Variants in FAM107B observed in about 807,000 individuals in gnomAD.
FAM107B encodes the protein protein FAM107B.
A neutral mutation model predicts 31.5 loss-of-function variants in FAM107B; 21 were observed. The observed-to-expected ratio is 0.67, with a 90% CI of 0.47 to 0.96. The LOEUF is 0.96. FAM107B is among the 40% of genes least tolerant of loss of function. FAM107B has a pLI of 0.00. For synonymous variants in FAM107B, 157 were observed against 141.5 expected, an observed-to-expected ratio of 1.11 and a Z score of -0.78; for missense variants, 452 against 377.1, an observed-to-expected ratio of 1.20 and a Z score of -1.64.
chr10:14,638,670 A>T (rs2131428969), intron 2 of FAM107B, among the ~76,000 whole-genome samples: 1 of 152,266 alleles, frequency 6.6e-6, no homozygotes, highest in East Asian at 1.9e-4. Context: ...ACCTTCACTC[A>T]TCCCTTATCC....
chr10:14,645,937 C>T (rs1398164662), intron 2 of FAM107B, among the ~76,000 whole-genome samples: 3 of 152,084 alleles, frequency 2.0e-5, no homozygotes, highest in South Asian at 2.1e-4. Flanking sequence ...AAGAATTGGA[C>T]TAATAGTGTT....
At position 14,627,216 on chromosome 10, in the gene FAM107B, T is replaced by C. The variant is rs574086402; in HGVS notation, c.469+40418A>G. ...AGATTAAAAAGGAAAATTTCCTAAA[T>C]AGATGTTATTAATTCTTAAAGTATT... On this transcript the variant is annotated intron_variant, in intron 2 of 4. Coordinates refer to ENST00000181796, the MANE Select transcript of FAM107B (RefSeq NM_031453.4). Among the ~76,000 whole-genome samples, 6 of 152,344 alleles carry C rather than the reference T, an allele frequency of 3.9e-5. No individual in the cohort carries two copies. In the East Asian group the frequency reaches 1.2e-3, roughly 29 times the overall value.
chr10:14,631,727 T>C (rs1853358853), intron 2 of FAM107B, among the ~76,000 whole-genome samples: 2 of 152,244 alleles, frequency 1.3e-5, no homozygotes, highest in South Asian at 4.1e-4. Flanking sequence ...GATTCTGCCC[T>C]TTTGCTCCAC....
intron 1 of FAM107B, among the ~76,000 whole-genome samples, chr10:14,718,474 AGGAG>A (rs1313121492): frequency 7.4e-6 from 1 of 134,916 alleles, no homozygotes; most frequent in Non-Finnish European, 1.6e-5. Flanking sequence ...AAGGAAGAAA[AGGAG>A]GGAGGGAGAG....
intron 2 of FAM107B, among the ~76,000 whole-genome samples, chr10:14,562,103 CT>C (rs1850296311): frequency 6.6e-6 from 1 of 152,130 alleles, no homozygotes; most frequent in Non-Finnish European, 1.5e-5. Flanking sequence ...GCATTTTCTA[CT>C]CCAAAAAGTT....
chr10:14,651,423 T>C lies in FAM107B; in HGVS notation c.469+16211A>G, dbSNP rs143130544. Among the ~76,000 whole-genome samples, 847 of 152,128 alleles carry C rather than the reference T, an allele frequency of 5.6e-3. 10 individuals are homozygous for C. The highest frequency in any genetic ancestry group is 0.02 in the African/African-American group (816 of 41,478). On this transcript the variant is annotated intron_variant, in intron 2 of 4. Coordinates refer to ENST00000181796, the MANE Select transcript of FAM107B (RefSeq NM_031453.4). ...GAGTTCGAGGCCAGCCTGACCAACATGGAGAGACCCCGTCACTACTAAAAA... is the reference window on the plus strand; with the variant it reads ...GAGTTCGAGGCCAGCCTGACCAACACGGAGAGACCCCGTCACTACTAAAAA...
intron 2 of FAM107B, among the ~76,000 whole-genome samples, chr10:14,621,865 TAA>T (rs918768981): frequency 1.3e-5 from 2 of 151,312 alleles, no homozygotes; most frequent in East Asian, 3.9e-4. Flanking sequence ...TTCTTCAGAG[TAA>T]AAAAAAATGT....
rs180977294 is a variant in FAM107B at position 14,578,093 on chromosome 10, T to C, written c.470-47578A>G. 1.8e-4 allele frequency among the ~76,000 whole-genome samples: 28 copies of C among 152,234 alleles called. No individual in the cohort carries two copies. In the East Asian group the frequency reaches 5.4e-3, roughly 29 times the overall value. ...GAGCCAGGGCGTGCGGGTACAAAGCTTTCTTTCCATTTGGAAAAGTTCATT... is the reference window on the plus strand; with the variant it reads ...GAGCCAGGGCGTGCGGGTACAAAGCCTTCTTTCCATTTGGAAAAGTTCATT... On this transcript the variant is annotated intron_variant, in intron 2 of 4. Transcript: ENST00000181796.
intron 2 of FAM107B, among the ~76,000 whole-genome samples, chr10:14,549,616 T>G (rs1174446182): frequency 6.6e-6 from 1 of 152,122 alleles, no homozygotes; most frequent in Non-Finnish European, 1.5e-5. Context: ...AGGCTTGTGG[T>G]TCCAGGACGC....
chr10:14,703,586 C>T (rs1461644629), intron 1 of FAM107B, among the ~76,000 whole-genome samples: 5 of 152,086 alleles, frequency 3.3e-5, no homozygotes, highest in African/African-American at 1.2e-4. Context: ...ACACCTGCCT[C>T]GGCCTCCCAA....
At chr10:14,762,752 TCTCACACACA>T (rs1482055546) in intron 1 of FAM107B, among the ~76,000 whole-genome samples, 2,538 of 117,554 alleles carry the variant, frequency 0.022, 42 homozygotes, top group Non-Finnish European at 0.027. Context: ...TGAAACTCTG[TCTCACACACA>T]CACACACACA....
chr10:14,604,321 G>C (rs1053368572), intron 2 of FAM107B: 15 of 953,056 alleles, frequency 1.6e-5, no homozygotes, highest in East Asian at 1.2e-4. Context: ...CCGACTGCTC[G>C]GCGGCGGCCC....
intron 1 of FAM107B, among the ~76,000 whole-genome samples, chr10:14,681,888 CGA>C (rs1237195357): frequency 6.6e-6 from 1 of 152,106 alleles, no homozygotes; most frequent in African/African-American, 2.4e-5. Flanking sequence ...TTGGTAATAG[CGA>C]GAGAGTTTAG....
intron 2 of FAM107B, among the ~76,000 whole-genome samples, chr10:14,589,230 T>A (rs1851942249): frequency 6.7e-6 from 1 of 148,234 alleles, no homozygotes; most frequent in South Asian, 2.1e-4. Flanking sequence ...AAAAGAATGG[T>A]CAAAGGAATT....
chr10:14,742,770 A>G (rs1832644626), intron 1 of FAM107B, among the ~76,000 whole-genome samples: 1 of 151,874 alleles, frequency 6.6e-6, no homozygotes, highest in African/African-American at 2.4e-5. Flanking sequence ...CTCCTGCCCT[A>G]TCTTGTTTCT....
chr10:14,611,121 C>G (rs1331398536), intron 2 of FAM107B, among the ~76,000 whole-genome samples: 1 of 151,924 alleles, frequency 6.6e-6, no homozygotes, highest in Admixed American at 6.6e-5. Context: ...GAATCCAAAA[C>G]CAGAAAAAAG....
intron 1 of FAM107B, among the ~76,000 whole-genome samples, chr10:14,686,726 A>G (rs2131502762): frequency 6.6e-6 from 1 of 152,336 alleles, no homozygotes; most frequent in South Asian, 2.1e-4. Flanking sequence ...ACAAAGCACT[A>G]TGCACAAGGT....
intron 1 of FAM107B, among the ~76,000 whole-genome samples, chr10:14,749,707 C>T (rs1247860052): frequency 6.6e-6 from 1 of 152,188 alleles, no homozygotes; most frequent in African/African-American, 2.4e-5. Flanking sequence ...CCCCATTGCC[C>T]TCTTCCATCC....
intron 1 of FAM107B, among the ~76,000 whole-genome samples, chr10:14,678,486 G>A (rs1189619461): frequency 6.6e-6 from 1 of 152,034 alleles, no homozygotes; most frequent in East Asian, 1.9e-4. Flanking sequence ...GGAAACGTGG[G>A]GGACACTGCA....
Sources: gnomAD v4.1 joint callset for allele counts (sites outside exome capture counted in the v4.1 genomes callset) on GRCh38, gnomAD v4.1.1 for gene constraint, MANE v1.5 for transcripts, NCBI Gene and HGNC (gene_info 2026-07-23, HGNC 2026-07-21) for gene names.